The following CEP112 variants were observed in gnomAD, a reference collection of about 807,000 sequenced individuals.
The protein encoded by CEP112 is centrosomal protein of 112 kDa.
Under a neutral mutation model 153.0 loss-of-function variants are expected in CEP112, and 127 were observed. The observed-to-expected ratio is 0.83, with a 90% CI of 0.72 to 0.96. CEP112 has a LOEUF of 0.96. Among genes scored for constraint, CEP112 ranks in the 40% least tolerant of loss-of-function variants. The pLI, the probability that CEP112 is intolerant of heterozygous loss-of-function variation, is 0.00. For missense variants in CEP112, 1,089 were observed against 1,101.2 expected, an observed-to-expected ratio of 0.99 and a Z score of 0.16; for synonymous variants, 358 against 374.4, an observed-to-expected ratio of 0.96 and a Z score of 0.51.
chr17:66,100,331 C>T (rs549810028), intron 6 of CEP112, among the ~76,000 whole-genome samples: 11 of 148,216 alleles, frequency 7.4e-5, no homozygotes, highest in East Asian at 2.0e-4. Flanking sequence ...ACCCTGGAGG[C>T]GGAGCTTGCA....
intron 22 of CEP112, among the ~76,000 whole-genome samples, chr17:65,743,445 G>A (rs8066485): frequency 0.096 from 14,614 of 152,144 alleles, 1,121 homozygotes; most frequent in African/African-American, 0.2. Context: ...CTTGGAAGAC[G>A]TTTCCACTCT....
rs570253927 is a variant in CEP112 at position 65,802,828 on chromosome 17, C to T, written c.2394+48976G>A. On this transcript the variant is annotated intron_variant, in intron 21 of 26. Coordinates refer to ENST00000535342, the MANE Select transcript of CEP112 (RefSeq NM_001199165.4). ...CAGGATTGTATTTTCCAAAGATGGC[C>T]GCATCAATATATTCCTCTTCCCACA... is the stretch of plus-strand genomic sequence containing the variant. 6.1e-4 allele frequency among the ~76,000 whole-genome samples: 93 copies of T among 152,256 alleles called. 1 individual carries two copies. Among genetic ancestry groups the T allele is most frequent in the African/African-American group, 2.2e-3 (91 of 41,538 alleles).
chr17:66,042,668 G>A (rs1021336600), intron 12 of CEP112, among the ~76,000 whole-genome samples: 1 of 152,116 alleles, frequency 6.6e-6, no homozygotes, highest in Non-Finnish European at 1.5e-5. Context: ...AGGTAAAAAC[G>A]AAGGAAATCT....
chr17:66,182,470 A>G (rs907828270), intron 2 of CEP112: 11 of 152,174 alleles, frequency 7.2e-5, no homozygotes, highest in African/African-American at 2.7e-4. Flanking sequence ...CACCTTAGGG[A>G]AACAGGCAAC....
chr17:65,880,363 T>G (rs932211919), intron 20 of CEP112, among the ~76,000 whole-genome samples: 1 of 152,238 alleles, frequency 6.6e-6, no homozygotes, highest in Admixed American at 6.5e-5. Flanking sequence ...CATCACGATT[T>G]CTGTTACTAT....
chr17:66,133,144 A>T (rs2070275274), intron 4 of CEP112, among the ~76,000 whole-genome samples: 1 of 152,130 alleles, frequency 6.6e-6, no homozygotes, highest in Admixed American at 6.6e-5. Flanking sequence ...ATTTCATTTC[A>T]TTTAAATTAT....
chr17:66,119,205 G>A (rs1449016066), intron 6 of CEP112, among the ~76,000 whole-genome samples: 1 of 152,120 alleles, frequency 6.6e-6, no homozygotes, highest in Non-Finnish European at 1.5e-5. Flanking sequence ...GGAGGCTAGA[G>A]GGTTGTGGGG....
chr17:66,122,782 G>C (rs773498176), intron 6 of CEP112, among the ~76,000 whole-genome samples: 1 of 152,170 alleles, frequency 6.6e-6, no homozygotes, highest in African/African-American at 2.4e-5. Flanking sequence ...TGCTGAGGTA[G>C]TCTCTGAGGA....
intron 21 of CEP112, among the ~76,000 whole-genome samples, chr17:65,788,277 A>G (rs1171608693): frequency 2.6e-5 from 4 of 152,204 alleles, no homozygotes; most frequent in African/African-American, 9.6e-5. Context: ...AAATGTATAA[A>G]CATTTTTATG....
chr17:65,839,060 A>C (rs2057422760), intron 21 of CEP112, among the ~76,000 whole-genome samples: 1 of 152,172 alleles, frequency 6.6e-6, no homozygotes, highest in Non-Finnish European at 1.5e-5. Context: ...TCACTGCTGA[A>C]TTCCACCAAA....
chr17:65,717,774 C>A (rs951625142), intron 23 of CEP112, among the ~76,000 whole-genome samples: 1 of 152,148 alleles, frequency 6.6e-6, no homozygotes, highest in African/African-American at 2.4e-5. Context: ...AATGTGTGCT[C>A]AAGTGAAGGC....
Position 65,851,860 on chromosome 17 carries a change from TC to T in CEP112, c.2337del (p.Met780Ter). ...VVNKLKAESE[K>X]MKIELKKTHA... ...TGAGTCTTTTTCAGCTCTATTTTCA[TC>T]TTTTCTGATTCAGCCTTCAGTTTAT... On this transcript the variant is annotated frameshift_variant, in exon 21 of 27. Coordinates refer to ENST00000535342, the MANE Select transcript of CEP112 (RefSeq NM_001199165.4). LOFTEE classifies it high-confidence loss of function. 6.2e-7 allele frequency: 1 copy of T among 1,614,202 alleles called. No individual in the cohort carries two copies. Among genetic ancestry groups the T allele is most frequent in the South Asian group, 1.1e-5 (1 of 91,088 alleles).
chr17:65,991,759 T>C (rs1568348294), intron 17 of CEP112, among the ~76,000 whole-genome samples: 1 of 152,140 alleles, frequency 6.6e-6, no homozygotes, highest in Non-Finnish European at 1.5e-5. Context: ...TTTTTTTCCA[T>C]TTTAAATATT....
chr17:65,928,232 C>T (rs1241273214), intron 18 of CEP112, among the ~76,000 whole-genome samples: 3 of 152,198 alleles, frequency 2.0e-5, no homozygotes, highest in Admixed American at 6.5e-5. Context: ...TGACATATCA[C>T]TTCATGCCCC....
intron 4 of CEP112, among the ~76,000 whole-genome samples, chr17:66,162,460 G>A (rs915108828): frequency 1.3e-5 from 2 of 152,148 alleles, no homozygotes; most frequent in African/African-American, 4.8e-5. Context: ...TCAAAAAAAT[G>A]TGTATACTTG....
At chr17:66,190,485 G>A (rs116618606) in intron 1 of CEP112, among the ~76,000 whole-genome samples, 101 of 152,254 alleles carry the variant, frequency 6.6e-4, no homozygotes, top group African/African-American at 2.3e-3. Flanking sequence ...TAGGCTTAGA[G>A]TAATTATAGT....
At chr17:65,965,309 T>C (rs1288479851) in intron 17 of CEP112, among the ~76,000 whole-genome samples, 1 of 152,166 alleles carries the variant, frequency 6.6e-6, no homozygotes, top group Non-Finnish European at 1.5e-5. Flanking sequence ...CTACCCTGAT[T>C]TACAAATAGC....
intron 24 of CEP112, among the ~76,000 whole-genome samples, chr17:65,661,437 T>C (rs1178406597): frequency 6.6e-6 from 1 of 152,216 alleles, no homozygotes; most frequent in Non-Finnish European, 1.5e-5. Context: ...CATGGCTGTT[T>C]ACATAAGAAG....
intron 23 of CEP112, among the ~76,000 whole-genome samples, chr17:65,733,232 G>T (rs890047887): frequency 6.6e-6 from 1 of 152,176 alleles, no homozygotes; most frequent in Admixed American, 6.5e-5. Context: ...GAGCAGTTAG[G>T]ATACACACAA....
Sources: gnomAD v4.1 joint callset for allele counts (sites outside exome capture counted in the v4.1 genomes callset) on GRCh38, gnomAD v4.1.1 for gene constraint, MANE v1.5 for transcripts, NCBI Gene and HGNC (gene_info 2026-07-23, HGNC 2026-07-21) for gene names.